C2orf15: variants seen among roughly 807,000 people sequenced by gnomAD.
The protein encoded by C2orf15 is chromosome 2 open reading frame 15.
C2orf15 carries 3 observed loss-of-function variants against 4.4 expected under a neutral mutation model. That is an observed-to-expected ratio of 0.67 (90% CI 0.31 to 1.74). C2orf15 has a LOEUF of 1.74. Among genes scored for constraint, C2orf15 ranks in the 40% most tolerant of loss-of-function variants. The pLI, the probability that C2orf15 is intolerant of heterozygous loss-of-function variation, is 0.09. For missense variants in C2orf15, 90 were observed against 103.3 expected, an observed-to-expected ratio of 0.87 and a Z score of 0.56; for synonymous variants, 37 against 36.8, an observed-to-expected ratio of 1.00 and a Z score of -0.02.
Position 99,150,008 on chromosome 2 carries a change from G to T in C2orf15, c.-76-475G>T, listed in dbSNP as rs781034703. On this transcript the variant is annotated intron_variant, in intron 3 of 3. Coordinates refer to ENST00000650052, the MANE Select transcript of C2orf15 (RefSeq NM_144706.4). Reference sequence around the variant, plus strand: ...GGGTTTCACCATGTTGGCCAGGCTGGTCTCTCAATCCTAACCTTTGGTGAT... The same window carrying T: ...GGGTTTCACCATGTTGGCCAGGCTGTTCTCTCAATCCTAACCTTTGGTGAT... 2.6e-5 allele frequency among the ~76,000 whole-genome samples: 4 copies of T among 151,816 alleles called. No individual in the cohort carries two copies. In the East Asian group the frequency reaches 7.7e-4, roughly 29 times the overall value.
In C2orf15 at chr2:99,150,534, C is replaced by T; in HGVS notation, c.-25C>T. 1 of 1,600,580 alleles carries T rather than the reference C, an allele frequency of 6.2e-7. No homozygotes were observed. Among genetic ancestry groups the T allele is most frequent in the Non-Finnish European group, 8.5e-7 (1 of 1,174,820 alleles). ...TACTTAAAAAGGTACCTGCAAATTA[C>T]TTTCACATTTGTTCAGCTATCCTAA... is the stretch of plus-strand genomic sequence containing the variant. On this transcript the variant is annotated 5_prime_UTR_variant, in exon 4 of 4. Coordinates refer to ENST00000650052, the MANE Select transcript of C2orf15 (RefSeq NM_144706.4).
In C2orf15 at chr2:99,147,589, G is replaced by A; in HGVS notation, c.-77+96G>A. ...TTAATGTGCAAATTGATAATTATAT[G>A]TTACCATTCTTTTACGTTTGTTGAT... On this transcript the variant is annotated intron_variant, in intron 3 of 3. Coordinates refer to ENST00000650052, the MANE Select transcript of C2orf15 (RefSeq NM_144706.4). 7.7e-6 allele frequency: 8 copies of A among 1,035,094 alleles called. No individual in the cohort carries two copies. The South Asian group carries it at 1.1e-4, about 14-fold the overall frequency. 64.1% of individuals were successfully genotyped at this position (1,035,094 alleles called of 1,614,324 possible).
At chr2:99,144,451 C>T (rs970583784) in intron 2 of C2orf15, among the ~76,000 whole-genome samples, 1 of 151,560 alleles carries the variant, frequency 6.6e-6, no homozygotes, top group East Asian at 1.9e-4. Context: ...GCCTGTTGTC[C>T]AATATCTAAA....
chr2:99,149,456 T>TC (rs1211372037), intron 3 of C2orf15, among the ~76,000 whole-genome samples: 1 of 150,964 alleles, frequency 6.6e-6, no homozygotes, highest in Non-Finnish European at 1.5e-5. Context: ...TTTTTTTTTT[T>TC]TTTTAAGACG....
chr2:99,147,519 C>T lies in C2orf15; in HGVS notation c.-77+26C>T, dbSNP rs140408417. The T allele has an allele frequency of 3.7e-5, 59 of 1,606,872 alleles. No individual in the cohort carries two copies. The African/African-American group carries it at 7.3e-4, about 20-fold the overall frequency. On this transcript the variant is annotated intron_variant, in intron 3 of 3. Transcript: ENST00000650052. ...GTAAGACTCACAGGGCCAAGTCTAC[C>T]CTATTATACTTGGTTCCTCCTCAGT...
At chr2:99,149,790 T>C (rs1486715248) in intron 3 of C2orf15, among the ~76,000 whole-genome samples, 4 of 139,410 alleles carry the variant, frequency 2.9e-5, no homozygotes, top group Admixed American at 7.3e-5. Context: ...AGTATCTTTT[T>C]TTTTTTTTTT....
intron 3 of C2orf15, among the ~76,000 whole-genome samples, chr2:99,150,219 T>C (rs975491047): frequency 2.6e-5 from 4 of 152,344 alleles, no homozygotes; most frequent in African/African-American, 9.6e-5. Context: ...CTAGCAAGAA[T>C]GAAAGAAAGG....
chr2:99,144,690 A>G (rs948064921), intron 2 of C2orf15, among the ~76,000 whole-genome samples: 1 of 150,028 alleles, frequency 6.7e-6, no homozygotes, highest in African/African-American at 2.4e-5. Context: ...AAGCATGAGG[A>G]TAAGTCTGGT....
At chr2:99,148,416 T>C (rs985602668) in intron 3 of C2orf15, 1 of 152,204 alleles carries the variant, frequency 6.6e-6, no homozygotes, top group African/African-American at 2.4e-5. Flanking sequence ...CTAAGTTGTA[T>C]TTGAGTCCCA....
intron 3 of C2orf15, chr2:99,148,457 G>A (rs2093654347): frequency 6.6e-6 from 1 of 152,140 alleles, no homozygotes; most frequent in Non-Finnish European, 1.5e-5. Context: ...TTACCTAATT[G>A]TTATATTAAT....
Position 99,147,450 on chromosome 2 carries a change from T to G in C2orf15, c.-120T>G. The G allele has an allele frequency of 1.2e-6, 2 of 1,613,804 alleles. No individual in the cohort carries two copies. The highest frequency in any genetic ancestry group is 1.7e-6 in the Non-Finnish European group (2 of 1,179,724). Reference sequence around the variant, plus strand: ...AATGCCAGTCCAAAGAGGCCCCCAATAGACTTGTTCACCCTTCATGTCCTC... The same window carrying G: ...AATGCCAGTCCAAAGAGGCCCCCAAGAGACTTGTTCACCCTTCATGTCCTC... On this transcript the variant is annotated 5_prime_UTR_variant, in exon 3 of 4. It removes the in-frame stop codon of an upstream open reading frame in the 5' UTR. Coordinates refer to ENST00000650052, the MANE Select transcript of C2orf15 (RefSeq NM_144706.4).
chr2:99,142,553 C>T (rs2093579274), intron 2 of C2orf15, among the ~76,000 whole-genome samples, 152 bp downstream of exon 2: 1 of 152,074 alleles, frequency 6.6e-6, no homozygotes, highest in Admixed American at 6.6e-5. Flanking sequence ...CATATTTTGT[C>T]GCATTTATTT....
chr2:99,147,377 C>G, intron 2 of C2orf15, 25 bp from the exon 3 acceptor site: 4 of 1,234,644 alleles, frequency 3.2e-6, no homozygotes, highest in Non-Finnish European at 4.8e-6. Context: ...CTTTATGTAC[C>G]TTTATTCTTA....
chr2:99,149,780 A>C (rs1198837726), intron 3 of C2orf15, among the ~76,000 whole-genome samples: 1 of 134,472 alleles, frequency 7.4e-6, no homozygotes, highest in Non-Finnish European at 1.6e-5. Flanking sequence ...CTTAATCACA[A>C]GTATCTTTTT....
chr2:99,150,420 C>A, intron 3 of C2orf15, 63 bp from the exon 4 acceptor site: 1 of 910,414 alleles, frequency 1.1e-6, no homozygotes, highest in Non-Finnish European at 1.6e-6. Flanking sequence ...TTCAAACAAA[C>A]ATTGCCATGA....
At position 99,150,548 on chromosome 2, in the gene C2orf15, C is replaced by T; in HGVS notation, c.-11C>T. The T allele has an allele frequency of 6.2e-7, 1 of 1,608,358 alleles. No individual in the cohort carries two copies. The highest frequency in any genetic ancestry group is 1.7e-5 in the Admixed American group (1 of 59,190). On this transcript the variant is annotated 5_prime_UTR_variant, in exon 4 of 4. Transcript: ENST00000650052. The stretch of plus-strand genomic sequence containing the variant: ...CCTGCAAATTACTTTCACATTTGTT[C>T]AGCTATCCTAATGGGATTTTCACTT...
At chr2:99,147,901 T>TA (rs1439854160) in intron 3 of C2orf15, among the ~76,000 whole-genome samples, 1 of 152,226 alleles carries the variant, frequency 6.6e-6, no homozygotes, top group Non-Finnish European at 1.5e-5. Context: ...GACATTGACT[T>TA]ATATAACCAC....
intron 2 of C2orf15, among the ~76,000 whole-genome samples, chr2:99,143,305 C>CT (rs11392712): frequency 0.15 from 22,051 of 149,400 alleles, 1,858 homozygotes; most frequent in Middle Eastern, 0.29. Context: ...CTACGCCCAG[C>CT]TTTTTTTTTG....
chr2:99,149,572 A>G (rs1033327493), intron 3 of C2orf15, among the ~76,000 whole-genome samples: 1 of 149,662 alleles, frequency 6.7e-6, no homozygotes, highest in Admixed American at 6.7e-5. Flanking sequence ...CCTCCCGAGT[A>G]GCTGGGACTA....
Sources: allele counts gnomAD v4.1 joint callset (sites outside exome capture counted in the v4.1 genomes callset), GRCh38; gene constraint gnomAD v4.1.1; transcripts MANE v1.5; gene names NCBI Gene and HGNC (gene_info 2026-07-23, HGNC 2026-07-21).